The following DDR2 variants were observed in gnomAD, a reference collection of about 807,000 sequenced individuals.
DDR2 encodes the protein discoidin domain receptor tyrosine kinase 2.
DDR2 carries 27 observed loss-of-function variants against 94.9 expected under a neutral mutation model. That is an observed-to-expected ratio of 0.28 (90% CI 0.21 to 0.39). DDR2 has a LOEUF of 0.39. Ranked by LOEUF, DDR2 falls within the 10% of genes least tolerant of loss-of-function variation. The pLI, the probability that DDR2 is intolerant of heterozygous loss-of-function variation, is 1.00. For synonymous variants in DDR2, 382 were observed against 377.2 expected (o/e 1.01, Z -0.15); for missense variants, 783 against 1,076.0 (o/e 0.73, Z 3.81).
chr1:162,637,582 AATTT>A (rs1656889172), intron 1 of DDR2, among the ~76,000 whole-genome samples: 1 of 152,108 alleles, frequency 6.6e-6, no homozygotes, highest in Admixed American at 6.6e-5. Context: ...ATAATAAATA[AATTT>A]ATTATTTATG....
chr1:162,658,571 G>A (rs987829707), intron 2 of DDR2, among the ~76,000 whole-genome samples: 2 of 150,472 alleles, frequency 1.3e-5, no homozygotes, highest in Admixed American at 6.7e-5. Flanking sequence ...GCTCACGTCT[G>A]TAGTCCCAGC....
In DDR2 at chr1:162,766,037, C is replaced by A. The variant is rs763932449; in HGVS notation, c.1136C>A (p.Thr379Asn). 1.2e-5 allele frequency: 20 copies of A among 1,613,762 alleles called. No individual in the cohort carries two copies. Among genetic ancestry groups the A allele is most frequent in the Non-Finnish European group, 1.7e-5 (20 of 1,180,002 alleles). The change falls in exon 10 of 18, where the codon ACC (threonine) becomes AAC (asparagine). Residue 379 changes from threonine to asparagine, a missense_variant. This residue lies in a region of DDR2 where 519 missense variants were observed against 647.9 expected (regional missense o/e 0.80). Coordinates refer to ENST00000367921, the MANE Select transcript of DDR2 (RefSeq NM_006182.4). ...AMYNNSEALP[T>N]SPMAPTTYDP... ...TACAACAACTCTGAAGCCCTGCCCA[C>A]CTCTCCTATGGCACCCACAACCTAT...
At chr1:162,740,439 C>A (rs991807220) in intron 3 of DDR2, among the ~76,000 whole-genome samples, 1 of 152,260 alleles carries the variant, frequency 6.6e-6, no homozygotes, top group East Asian at 1.9e-4. Context: ...AACAAGCATG[C>A]TTTTTCCTCA....
intron 1 of DDR2, among the ~76,000 whole-genome samples, chr1:162,643,479 C>A (rs1273222319): frequency 1.3e-5 from 2 of 151,984 alleles, no homozygotes. Context: ...GGCAGAAGAT[C>A]TAATTTTCTT....
intron 1 of DDR2, among the ~76,000 whole-genome samples, chr1:162,654,026 G>A (rs10047156): frequency 2.2e-4 from 34 of 152,286 alleles, no homozygotes; most frequent in African/African-American, 8.2e-4. Flanking sequence ...GGACACAACA[G>A]ATCAGAGGAA....
At chr1:162,705,996 C>T (rs1660645578) in intron 2 of DDR2, among the ~76,000 whole-genome samples, 1 of 152,306 alleles carries the variant, frequency 6.6e-6, no homozygotes, top group East Asian at 1.9e-4. Flanking sequence ...TACACACTAA[C>T]ACAATTAAGG....
intron 2 of DDR2, among the ~76,000 whole-genome samples, chr1:162,668,044 G>A (rs888631082): frequency 6.6e-6 from 1 of 152,068 alleles, no homozygotes; most frequent in African/African-American, 2.4e-5. Context: ...GAATTTAGAG[G>A]GATAAGGCCA....
intron 1 of DDR2, among the ~76,000 whole-genome samples, chr1:162,646,167 C>T (rs1162847108): frequency 6.6e-6 from 1 of 152,184 alleles, no homozygotes; most frequent in African/African-American, 2.4e-5. Context: ...AGTGAAATTG[C>T]ATGATGGTTA....
Position 162,767,473 on chromosome 1 carries a change from C to T in DDR2, c.1293+114C>T, listed in dbSNP as rs1664055200. The T allele has an allele frequency of 2.1e-6, 3 of 1,446,064 alleles. No homozygotes were observed. The African/African-American group carries it at 4.2e-5, about 20-fold the overall frequency. 89.6% of individuals were successfully genotyped at this position (1,446,064 alleles called of 1,614,324 possible). On this transcript the variant is annotated intron_variant, in intron 11 of 17. Coordinates refer to ENST00000367921, the MANE Select transcript of DDR2 (RefSeq NM_006182.4). The stretch of plus-strand genomic sequence containing the variant: ...AACATTTATTAATGGTTGGAATTAA[C>T]TGAGGCTACCAAGAAACATAGGAAT...
intron 2 of DDR2, among the ~76,000 whole-genome samples, chr1:162,667,259 A>C (rs898927592): frequency 1.3e-5 from 2 of 152,192 alleles, no homozygotes; most frequent in African/African-American, 2.4e-5. Context: ...GCACTTGAAC[A>C]CTTATTATTC....
rs76205721 is a variant in DDR2 at position 162,760,330 on chromosome 1, G to T, written c.855+351G>T. On this transcript the variant is annotated intron_variant, in intron 8 of 17. Coordinates refer to ENST00000367921, the MANE Select transcript of DDR2 (RefSeq NM_006182.4). The stretch of plus-strand genomic sequence containing the variant: ...CAGGTGAAAAAAATAAATTTTTAGG[G>T]TCAAAGATTATCTTTTTACCAGCAC... Among the ~76,000 whole-genome samples the T allele has an allele frequency of 0.014, 2,097 of 150,616 alleles. 152 individuals are homozygous for T. The East Asian group carries it at 0.2, about 15-fold the overall frequency.
intron 2 of DDR2, among the ~76,000 whole-genome samples, chr1:162,668,031 G>A (rs1658666644): frequency 6.6e-6 from 1 of 152,174 alleles, no homozygotes; most frequent in East Asian, 1.9e-4. Context: ...GGGAGTGGGG[G>A]AAGAATTTAG....
chr1:162,667,044 A>G (rs561225047), intron 2 of DDR2, among the ~76,000 whole-genome samples: 8 of 138,526 alleles, frequency 5.8e-5, no homozygotes, highest in African/African-American at 1.4e-4. Context: ...ATATATGTCT[A>G]TCTATCTATC....
intron 1 of DDR2, among the ~76,000 whole-genome samples, chr1:162,649,672 C>T (rs1270027670): frequency 2.0e-5 from 3 of 152,182 alleles, no homozygotes; most frequent in East Asian, 1.9e-4. Flanking sequence ...GAATAAGATA[C>T]GGTCTGAACC....
At chr1:162,635,321 T>C (rs1656762307) in intron 1 of DDR2, among the ~76,000 whole-genome samples, 1 of 150,312 alleles carries the variant, frequency 6.7e-6, no homozygotes, top group Admixed American at 6.7e-5. Flanking sequence ...CCACCCCCCA[T>C]ACATTCATGT....
In DDR2 at chr1:162,722,516, A is replaced by C. The variant is rs146938157; in HGVS notation, c.82+3371A>C. Among the ~76,000 whole-genome samples the C allele has an allele frequency of 2.1e-3, 317 of 152,380 alleles. 1 individual carries two copies. Among genetic ancestry groups the C allele is most frequent in the Non-Finnish European group, 3.7e-3 (251 of 68,038 alleles). The stretch of plus-strand genomic sequence containing the variant: ...GTTTCTTATGTCAAAATCATGGCTC[A>C]GAAATACCATTTAGCTAGTGACATC... On this transcript the variant is annotated intron_variant, in intron 3 of 17. Coordinates refer to ENST00000367921, the MANE Select transcript of DDR2 (RefSeq NM_006182.4).
At position 162,679,237 on chromosome 1, in the gene DDR2, C is replaced by T. The variant is rs372503606; in HGVS notation, c.-28+23863C>T. ...GTAGGCCCCAGAGTCTGTTGTTCCACTCCTAGCATCCGTGTGTTTTCCTTG... is the reference window on the plus strand; with the variant it reads ...GTAGGCCCCAGAGTCTGTTGTTCCATTCCTAGCATCCGTGTGTTTTCCTTG... On this transcript the variant is annotated intron_variant, in intron 2 of 17. Transcript: ENST00000367921. Among the ~76,000 whole-genome samples, 5 of 152,180 alleles carry T rather than the reference C, an allele frequency of 3.3e-5. No individual in the cohort carries two copies. The East Asian group carries it at 5.8e-4, about 18-fold the overall frequency.
chr1:162,692,517 A>G (rs550745767), intron 2 of DDR2, among the ~76,000 whole-genome samples: 1 of 152,350 alleles, frequency 6.6e-6, no homozygotes, highest in South Asian at 2.1e-4. Context: ...GAACTTCACA[A>G]GAATGGATAT....
chr1:162,654,541 T>G (rs1571150747), intron 1 of DDR2, among the ~76,000 whole-genome samples: 1 of 152,098 alleles, frequency 6.6e-6, no homozygotes, highest in South Asian at 2.1e-4. Flanking sequence ...TTCTAGAAAA[T>G]TACTCAAGTA....
Sources: gnomAD v4.1 joint callset for allele counts (sites outside exome capture counted in the v4.1 genomes callset) on GRCh38, gnomAD v4.1.1 for gene constraint, gnomAD v4.1.1 regional missense constraint, MANE v1.5 for transcripts, NCBI Gene and HGNC (gene_info 2026-07-23, HGNC 2026-07-21) for gene names.